ANO4: variants seen among roughly 807,000 people sequenced by gnomAD.
ANO4 encodes anoctamin 4, also known as anoctamin-4.
A neutral mutation model predicts 141.9 loss-of-function variants in ANO4; 69 were observed. The observed-to-expected ratio is 0.49, with a 90% confidence interval of 0.40 to 0.59. The LOEUF (loss-of-function observed/expected upper bound fraction) is 0.59. ANO4 is among the 20% of genes least tolerant of loss of function. ANO4 has a pLI of 0.00. For synonymous variants in ANO4, 350 were observed against 394.3 expected (o/e 0.89, Z 1.33); for missense variants, 894 against 1,162.2 (o/e 0.77, Z 3.36).
chr12:101,066,728 G>A (rs920910958), intron 14 of ANO4: 13 of 802,422 alleles, frequency 1.6e-5, no homozygotes, highest in East Asian at 4.9e-5. Context: ...TGAGTCCTGC[G>A]TTGCCATGGC....
chr12:100,871,465 C>A (rs2039030732), intron 1 of ANO4, among the ~76,000 whole-genome samples: 1 of 152,136 alleles, frequency 6.6e-6, no homozygotes, highest in Admixed American at 6.5e-5. Flanking sequence ...AGAGCTGTGC[C>A]CCAATGCACT....
chr12:100,993,565 A>G (rs900889539), intron 8 of ANO4, among the ~76,000 whole-genome samples: 1 of 152,112 alleles, frequency 6.6e-6, no homozygotes, highest in African/African-American at 2.4e-5. Context: ...TCACAGCACT[A>G]TCTAGTGTGG....
At chr12:100,964,193 T>C (rs2043548060) in intron 5 of ANO4, among the ~76,000 whole-genome samples, 1 of 152,186 alleles carries the variant, frequency 6.6e-6, no homozygotes, top group South Asian at 2.1e-4. Context: ...TGTGAGCCTC[T>C]CAGCTTTCTT....
intron 5 of ANO4, among the ~76,000 whole-genome samples, chr12:100,944,857 G>A (rs2042661888): frequency 1.3e-5 from 2 of 152,274 alleles, no homozygotes; most frequent in Middle Eastern, 6.8e-3. Context: ...ATAATAAGTG[G>A]CAGAATTTTT....
Position 100,737,990 on chromosome 12 carries a change from T to G in ANO4, c.107-1864T>G, listed in dbSNP as rs186404226. On this transcript the variant is annotated intron_variant, in intron 2 of 29. Transcript: ENST00000644049. ...AAAATCCAGGGAACAGAAGAAAGAC[T>G]CCTCCTAAAACTATTCTGTTTATCC... Among the ~76,000 whole-genome samples the G allele has an allele frequency of 8.5e-5, 13 of 152,246 alleles. No individual in the cohort carries two copies. In the East Asian group the frequency reaches 2.5e-3, roughly 29 times the overall value.
chr12:100,750,761 C>T (rs763087616), intron 3 of ANO4, among the ~76,000 whole-genome samples: 12 of 152,128 alleles, frequency 7.9e-5, no homozygotes, highest in Middle Eastern at 3.2e-3. Flanking sequence ...AGTGTCCAAA[C>T]GTTTCCACAG....
At chr12:101,068,322 G>T in intron 14 of ANO4, 2 of 1,248,112 alleles carry the variant, frequency 1.6e-6, no homozygotes, top group South Asian at 2.4e-5. Context: ...GACTTCAATG[G>T]TCCTTGAGAG....
intron 6 of ANO4, among the ~76,000 whole-genome samples, chr12:100,973,231 T>G (rs928982285): frequency 2.0e-4 from 31 of 152,212 alleles, no homozygotes; most frequent in African/African-American, 7.5e-4. Flanking sequence ...TATTATTGTG[T>G]CCACAGTTTC....
intron 22 of ANO4, 88 bp downstream of exon 22, chr12:101,099,808 G>T (rs2050124132): frequency 1.7e-6 from 2 of 1,158,780 alleles, no homozygotes; most frequent in Non-Finnish European, 2.3e-6. Flanking sequence ...TATCATCAAG[G>T]TCCTCAGTGC....
chr12:100,834,679 A>G (rs1729383288), intron 1 of ANO4, among the ~76,000 whole-genome samples: 1 of 152,126 alleles, frequency 6.6e-6, no homozygotes, highest in South Asian at 2.1e-4. Flanking sequence ...AGAAAAATGC[A>G]GCTTGTATTA....
At chr12:101,039,923 CT>C in intron 10 of ANO4, 31 bp from the exon 11 acceptor site, 1 of 1,597,336 alleles carries the variant, frequency 6.3e-7, no homozygotes, top group Non-Finnish European at 8.5e-7. Context: ...TTTGTGAGTA[CT>C]ACCTCACTGG....
chr12:100,929,646 A>T (rs1353818351), intron 3 of ANO4, among the ~76,000 whole-genome samples: 1 of 152,046 alleles, frequency 6.6e-6, no homozygotes, highest in Non-Finnish European at 1.5e-5. Flanking sequence ...GAATTGCTGG[A>T]TCATATGGAA....
intron 1 of ANO4, among the ~76,000 whole-genome samples, chr12:100,876,628 G>A (rs2039321826): frequency 6.6e-6 from 1 of 152,196 alleles, no homozygotes; most frequent in African/African-American, 2.4e-5. Flanking sequence ...GACATGTGGA[G>A]GAGCTGGCTG....
rs544252296 is a variant in ANO4, at chr12:100,756,761, ACTT to A, written c.358+16663_358+16665del. ...GGGTTCTGTCCCACTTCTCTGTTCTACTTCTTCTTTTCCTTGCCTAATCCTTCT... is the reference window on the plus strand; with the variant it reads ...GGGTTCTGTCCCACTTCTCTGTTCTACTTCTTTTCCTTGCCTAATCCTTCT... On this transcript the variant is annotated intron_variant, in intron 3 of 29. Coordinates refer to the ANO4 transcript ENST00000644049. 2.3e-3 allele frequency among the ~76,000 whole-genome samples: 349 copies of A among 151,884 alleles called. 1 individual carries two copies. Among genetic ancestry groups the A allele is most frequent in the African/African-American group, 8.0e-3 (330 of 41,412 alleles).
chr12:101,019,550 G>A (rs2046440107), intron 8 of ANO4, among the ~76,000 whole-genome samples: 1 of 152,042 alleles, frequency 6.6e-6, no homozygotes, highest in Non-Finnish European at 1.5e-5. Context: ...CCAGAGACTG[G>A]CCTCTCACCT....
At chr12:100,752,932 G>T (rs1378532802) in intron 3 of ANO4, among the ~76,000 whole-genome samples, 2 of 152,200 alleles carry the variant, frequency 1.3e-5, no homozygotes, top group Non-Finnish European at 2.9e-5. Flanking sequence ...CCAGAGCTCT[G>T]CTGATCTTGG....
chr12:101,103,228 T>A (rs2050278730), intron 22 of ANO4, among the ~76,000 whole-genome samples: 1 of 136,416 alleles, frequency 7.3e-6, no homozygotes, highest in African/African-American at 2.7e-5. Context: ...TATATATATA[T>A]ATCTTTTTGT....
chr12:100,891,839 A>G (rs553891560), intron 1 of ANO4, among the ~76,000 whole-genome samples: 2 of 152,298 alleles, frequency 1.3e-5, no homozygotes, highest in Admixed American at 6.5e-5. Flanking sequence ...ACTATTTTGT[A>G]TAATAGATCC....
At chr12:100,806,539 T>G (rs1390349234) in intron 1 of ANO4, among the ~76,000 whole-genome samples, 2 of 44,880 alleles carry the variant, frequency 4.5e-5, no homozygotes, top group Non-Finnish European at 8.1e-5. Flanking sequence ...TTTTTTTTTT[T>G]TTTTTTTTTT....
Sources: allele counts gnomAD v4.1 joint callset (sites outside exome capture counted in the v4.1 genomes callset), GRCh38; gene constraint gnomAD v4.1.1; transcripts MANE v1.5; gene names NCBI Gene and HGNC (gene_info 2026-07-23, HGNC 2026-07-21).